The following TBC1D4 variants were observed in gnomAD, a reference collection of about 807,000 sequenced individuals.
TBC1D4 encodes TBC (Tre-2, BUB2, CDC16) domain-containing protein.
Under a neutral mutation model 142.5 loss-of-function variants are expected in TBC1D4, and 121 were observed. The ratio of observed to expected loss-of-function variants is 0.85; its 90% CI spans 0.73 to 0.99. TBC1D4 has a LOEUF of 0.99. Ranked by LOEUF, TBC1D4 falls within the 50% of genes least tolerant of loss-of-function variation. TBC1D4 has a pLI of 0.00. For missense variants in TBC1D4, 1,475 were observed against 1,606.6 expected (o/e 0.92, Z 1.40); for synonymous variants, 630 against 628.2 (o/e 1.00, Z -0.04).
At chr13:75,373,632 C>T (rs1460632828) in intron 1 of TBC1D4, among the ~76,000 whole-genome samples, 1 of 152,166 alleles carries the variant, frequency 6.6e-6, no homozygotes. Flanking sequence ...CCAAACAATG[C>T]GGGTCCTCAT....
intron 1 of TBC1D4, 75 bp downstream of exon 1, chr13:75,481,195 T>TCCCCCCCCCC: frequency 3.9e-6 from 5 of 1,292,710 alleles, no homozygotes; most frequent in Non-Finnish European, 5.3e-6. Flanking sequence ...TAAAGTGGGG[T>TCCCCCCCCCC]CCCCGCCCCT....
In TBC1D4 at chr13:75,294,959, T is replaced by G; in HGVS notation, c.3211A>C (p.Asn1071His). The G allele has an allele frequency of 1.2e-6, 2 of 1,613,950 alleles. No homozygotes were observed. Among genetic ancestry groups the G allele is most frequent in the Non-Finnish European group, 1.7e-6 (2 of 1,179,880 alleles). Residue 1071 changes from asparagine to histidine, a missense_variant, in exon 18 of 21, where the codon AAT (asparagine) becomes CAT (histidine). This residue lies in a region of TBC1D4 where 248 missense variants were observed against 338.9 expected (regional missense o/e 0.73). Coordinates refer to ENST00000377636, the MANE Select transcript of TBC1D4 (RefSeq NM_014832.5). ...CTGATTTCATTTTCTTCAAGGTGATTGTAGAGATCTCTGTGATAGTCATGA... is the reference window on the plus strand; with the variant it reads ...CTGATTTCATTTTCTTCAAGGTGATGGTAGAGATCTCTGTGATAGTCATGA... ...LLHDYHRDLY[N>H]HLEENEISPS...
In TBC1D4 at chr13:75,362,822, G is replaced by T. The variant is rs938868453; in HGVS notation, c.499-215C>A. Among the ~76,000 whole-genome samples the T allele has an allele frequency of 6.6e-6, 1 of 152,222 alleles. No homozygotes were observed. The highest frequency in any genetic ancestry group is 2.4e-5 in the African/African-American group (1 of 41,530). On this transcript the variant is annotated intron_variant, in intron 1 of 20. Coordinates refer to ENST00000377636, the MANE Select transcript of TBC1D4 (RefSeq NM_014832.5). The surrounding 1 kb of genome is among the most constrained non-coding windows in gnomAD (Gnocchi z 4.2). ...AATGAAAATTGAAATTGAATAGCAG[G>T]ATTATATTTTCCCACTTTAAATGAG...
chr13:75,470,896 A>G (rs1167859708), intron 1 of TBC1D4, among the ~76,000 whole-genome samples: 4 of 152,112 alleles, frequency 2.6e-5, no homozygotes, highest in Admixed American at 2.6e-4. Context: ...CTGGGGCACA[A>G]GAATCACTTC....
At chr13:75,424,404 C>T (rs985904902) in intron 1 of TBC1D4, among the ~76,000 whole-genome samples, 1 of 151,738 alleles carries the variant, frequency 6.6e-6, no homozygotes, top group Non-Finnish European at 1.5e-5. Context: ...TTTTTTAAAT[C>T]ATTTTTGATA....
At chr13:75,456,013 T>C (rs926375264) in intron 1 of TBC1D4, among the ~76,000 whole-genome samples, 1 of 151,948 alleles carries the variant, frequency 6.6e-6, no homozygotes, top group Non-Finnish European at 1.5e-5. Flanking sequence ...TTTTTTTTCC[T>C]GGGGACAGGG....
rs1880706933 is a variant in TBC1D4 at position 75,341,569 on chromosome 13, G to A, written c.1427C>T (p.Ala476Val). 1.2e-6 allele frequency: 2 copies of A among 1,613,866 alleles called. No homozygotes were observed. Among genetic ancestry groups the A allele is most frequent in the Non-Finnish European group, 1.7e-6 (2 of 1,179,996 alleles). The change falls in exon 6 of 21, where the codon GCC (alanine) becomes GTC (valine). Residue 476 changes from alanine (A) to valine (V), a missense_variant. Physicochemically the swap from Ala to Val is moderately conservative, Grantham distance 64 (BLOSUM62 0). This residue lies in a region of TBC1D4 where 1,227 missense variants were observed against 1,267.7 expected (regional missense o/e 0.97). Coordinates refer to ENST00000377636, the MANE Select transcript of TBC1D4 (RefSeq NM_014832.5). ...ERIEGLYPPR[A>V]KLVIQRHLSS... ...GAGATGCCTCTGTATCACCAGCTTG[G>A]CTCTTGGTGGGTAGAGACCTAAGGA...
chr13:75,406,994 T>A (rs530244243), intron 1 of TBC1D4, among the ~76,000 whole-genome samples: 1 of 152,302 alleles, frequency 6.6e-6, no homozygotes, highest in Admixed American at 6.5e-5. Context: ...ATGATAGTTA[T>A]GTATCATTTC....
chr13:75,440,245 A>C (rs1403833917), intron 1 of TBC1D4, among the ~76,000 whole-genome samples: 1 of 152,212 alleles, frequency 6.6e-6, no homozygotes, highest in East Asian at 1.9e-4. Context: ...GGATTGTATA[A>C]AATGAAATGG....
chr13:75,410,145 A>T, intron 1 of TBC1D4, among the ~76,000 whole-genome samples: 2 of 152,324 alleles, frequency 1.3e-5, no homozygotes, highest in South Asian at 4.1e-4. Context: ...GCTCATGATA[A>T]TCACTCAATA....
chr13:75,399,026 G>C (rs554046000), intron 1 of TBC1D4, among the ~76,000 whole-genome samples: 2 of 152,274 alleles, frequency 1.3e-5, no homozygotes, highest in Non-Finnish European at 2.9e-5. Flanking sequence ...CTTAAAATTT[G>C]GGGGTACTAC....
chr13:75,333,025 C>T (rs1284686557), intron 8 of TBC1D4, among the ~76,000 whole-genome samples: 2 of 152,162 alleles, frequency 1.3e-5, no homozygotes, highest in East Asian at 1.9e-4. Context: ...AAAAACAATA[C>T]ACATTTGCAA....
At chr13:75,391,032 C>CCACACACACACACA (rs71127539) in intron 1 of TBC1D4, among the ~76,000 whole-genome samples, 1 of 136,792 alleles carries the variant, frequency 7.3e-6, no homozygotes, top group African/African-American at 2.8e-5. Flanking sequence ...TATTCCCCCA[C>CCACACACACACACA]CACACACACA....
At chr13:75,384,278 A>T (rs959033599) in intron 1 of TBC1D4, among the ~76,000 whole-genome samples, 5 of 152,128 alleles carry the variant, frequency 3.3e-5, no homozygotes, top group Non-Finnish European at 7.4e-5. Context: ...TCTACTAAAA[A>T]TATAGAAATT....
At chr13:75,303,173 C>T (rs185166682) in intron 15 of TBC1D4, among the ~76,000 whole-genome samples, 230 of 152,056 alleles carry the variant, frequency 1.5e-3, no homozygotes, top group Middle Eastern at 6.8e-3. Flanking sequence ...CAAAAATTAG[C>T]GAGCATGGTG....
rs56719877 is a variant in TBC1D4 at position 75,299,823 on chromosome 13, C to CA, written c.2912-250dup. ...TATGCTAACCAGTACTTCTTTCCAG[C>CA]AAAAAAAAAAAAAAAAAAAAAAAAA... On this transcript the variant is annotated intron_variant, in intron 16 of 20. Transcript: ENST00000377636. 7.3e-3 allele frequency among the ~76,000 whole-genome samples: 778 copies of CA among 105,862 alleles called. 3 individuals are homozygous for CA. Among genetic ancestry groups the CA allele is most frequent in the East Asian group, 0.029 (79 of 2,680 alleles). 69.4% of individuals were successfully genotyped at this position (105,862 alleles called of 152,430 possible).
chr13:75,407,654 T>C (rs531157361), intron 1 of TBC1D4, among the ~76,000 whole-genome samples: 1 of 152,064 alleles, frequency 6.6e-6, no homozygotes, highest in East Asian at 1.9e-4. Flanking sequence ...AGAGAACAGA[T>C]CTACAAGGCA....
intron 1 of TBC1D4, among the ~76,000 whole-genome samples, chr13:75,393,949 C>A (rs904957347): frequency 3.3e-3 from 480 of 145,300 alleles, no homozygotes; most frequent in Non-Finnish European, 5.3e-3. Flanking sequence ...AACAAAAAAA[C>A]AAAACTAAAC....
Position 75,335,421 on chromosome 13 carries a change from T to A in TBC1D4, c.1731+1500A>T, listed in dbSNP as rs117845940. On this transcript the variant is annotated intron_variant, in intron 8 of 20. Transcript: ENST00000377636. ...GGGAACCATTTTGCTTATTTTAAAA[T>A]GGAATATATATACTTACTAAATGGA... Among the ~76,000 whole-genome samples the A allele has an allele frequency of 2.0e-4, 30 of 152,338 alleles. 1 individual carries two copies. In the East Asian group the frequency reaches 5.8e-3, roughly 29 times the overall value.
Sources: allele counts gnomAD v4.1 joint callset (sites outside exome capture counted in the v4.1 genomes callset), GRCh38; gene constraint gnomAD v4.1.1; regional missense constraint gnomAD v4.1.1; non-coding constraint Gnocchi (gnomAD v3.1); transcripts MANE v1.5; gene names NCBI Gene and HGNC (gene_info 2026-07-23, HGNC 2026-07-21).